The following EPG5 variants were observed in gnomAD, a reference collection of about 807,000 sequenced individuals.
The protein encoded by EPG5 is ectopic P granules protein 5 homolog.
Under a neutral mutation model 302.7 loss-of-function variants are expected in EPG5, and 159 were observed. The observed-to-expected ratio is 0.53, with a 90% CI of 0.46 to 0.60. EPG5 has a LOEUF of 0.60. EPG5 is among the 20% of genes least tolerant of loss of function. The probability of loss-of-function intolerance (pLI) is 0.00; values close to 1 mark genes in which losing one functional copy is unlikely to be tolerated. For missense variants in EPG5, 2,896 were observed against 3,092.4 expected, an observed-to-expected ratio of 0.94 and a Z score of 1.51; for synonymous variants, 1,158 against 1,136.8, an observed-to-expected ratio of 1.02 and a Z score of -0.37.
chr18:45,911,597 G>T (rs139353820), intron 22 of EPG5, among the ~76,000 whole-genome samples: 1 of 151,592 alleles, frequency 6.6e-6, no homozygotes, highest in African/African-American at 2.4e-5. Context: ...TGGCCGTGCT[G>T]GGCCAAGTTT....
chr18:45,829,608 G>A, the EPG5 span, among the ~76,000 whole-genome samples: 4 of 152,200 alleles, frequency 2.6e-5, no homozygotes, highest in South Asian at 2.1e-4. Context: ...TCACAATGCC[G>A]GAAGTGCCAC....
At chr18:45,837,531 G>A in the EPG5 span, 1 of 1,516,958 alleles carries the variant, frequency 6.6e-7, no homozygotes, top group Non-Finnish European at 8.8e-7. Context: ...GCGCAGCGCT[G>A]GTCCATGCAG....
At chr18:45,820,408 A>G in the EPG5 span, among the ~76,000 whole-genome samples, 2 of 152,110 alleles carry the variant, frequency 1.3e-5, no homozygotes, top group Non-Finnish European at 2.9e-5. Flanking sequence ...TGGCTTCCTA[A>G]CCACCCAAGC....
chr18:45,958,779 G>A (rs1488990190), intron 1 of EPG5, among the ~76,000 whole-genome samples: 1 of 152,162 alleles, frequency 6.6e-6, no homozygotes, highest in Non-Finnish European at 1.5e-5. Flanking sequence ...AAAAGCACAA[G>A]CAACAAAATA....
chr18:45,888,595 G>A (rs1282799004), intron 28 of EPG5, among the ~76,000 whole-genome samples: 1 of 152,026 alleles, frequency 6.6e-6, no homozygotes, highest in East Asian at 1.9e-4. Flanking sequence ...ATGAGCCACC[G>A]CACCTGGCCA....
chr18:45,871,045 C>G (rs1329681291), intron 35 of EPG5, among the ~76,000 whole-genome samples: 1 of 152,178 alleles, frequency 6.6e-6, no homozygotes, highest in Non-Finnish European at 1.5e-5. Flanking sequence ...GCTTGTTGCC[C>G]TCAGTATGTA....
chr18:45,855,051 T>G (rs1003995613), intron 43 of EPG5, among the ~76,000 whole-genome samples: 3 of 151,784 alleles, frequency 2.0e-5, no homozygotes, highest in Non-Finnish European at 4.4e-5. Context: ...GTTATAGGAA[T>G]GTGGCCTTCC....
the EPG5 span, among the ~76,000 whole-genome samples, chr18:45,833,979 G>A: frequency 6.6e-6 from 1 of 152,154 alleles, no homozygotes; most frequent in Non-Finnish European, 1.5e-5. Flanking sequence ...TTAATGAGAT[G>A]AGGACTCCGC....
Position 45,866,809 on chromosome 18 carries a change from G to A in EPG5, c.6610C>T (p.Gln2204Ter). ...ACCTCTCAACTTACAAGATGCTTCT[G>A]GCTGTCAGTAGGAATAGAAAGGCCC... ...SAGLSIPTDS[Q>*]KHLDAVPKCQ... is the part of the protein sequence containing the mutation. The change falls in exon 38 of 44, where the codon CAG becomes TAG. Residue 2204 changes from glutamine (Q) to a stop codon, truncating the protein, a stop_gained. Coordinates refer to ENST00000282041, the MANE Select transcript of EPG5 (RefSeq NM_020964.3). LOFTEE classifies it high-confidence loss of function. 3 of 1,612,750 alleles carry A rather than the reference G, an allele frequency of 1.9e-6. No homozygotes were observed. The highest frequency in any genetic ancestry group is 1.7e-6 in the Non-Finnish European group (2 of 1,178,740).
At chr18:45,939,886 T>A in intron 9 of EPG5, 131 bp from the exon 10 acceptor site, 1 of 798,618 alleles carries the variant, frequency 1.3e-6, no homozygotes, top group Non-Finnish European at 1.9e-6. Flanking sequence ...ATTGTCCAGG[T>A]TCTGAAACTA....
At chr18:45,880,811 G>A (rs891955119) in intron 31 of EPG5, among the ~76,000 whole-genome samples, 1 of 152,136 alleles carries the variant, frequency 6.6e-6, no homozygotes, top group Non-Finnish European at 1.5e-5. Flanking sequence ...TCCACCCAGA[G>A]CGAACATGAG....
chr18:45,875,576 G>A (rs1439709146), intron 35 of EPG5, among the ~76,000 whole-genome samples: 1 of 151,854 alleles, frequency 6.6e-6, no homozygotes, highest in African/African-American at 2.4e-5. Flanking sequence ...AGAAATGGAA[G>A]GAAGACCTCT....
chr18:45,813,354 G>A, the EPG5 span, among the ~76,000 whole-genome samples: 1 of 152,218 alleles, frequency 6.6e-6, no homozygotes, highest in Non-Finnish European at 1.5e-5. Context: ...GGAAGTCAGT[G>A]TGGCGATTTC....
intron 27 of EPG5, among the ~76,000 whole-genome samples, chr18:45,898,140 G>T (rs898591940): frequency 4.1e-4 from 63 of 152,258 alleles, no homozygotes; most frequent in African/African-American, 1.5e-3. Context: ...CAGGCAGATT[G>T]CTTGAGCCCA....
the EPG5 span, chr18:45,838,702 G>T: frequency 5.1e-6 from 8 of 1,557,024 alleles, no homozygotes; most frequent in East Asian, 1.9e-4. Flanking sequence ...ACAGTCACCC[G>T]CCTTCTCCCC....
intron 10 of EPG5, among the ~76,000 whole-genome samples, chr18:45,936,512 G>A (rs1217016811): frequency 6.6e-6 from 1 of 152,116 alleles, no homozygotes; most frequent in Non-Finnish European, 1.5e-5. Flanking sequence ...CAAATCACTT[G>A]AGGTCAGGAG....
rs1278771529 is a variant in EPG5, at chr18:45,917,771, G to A, written c.3147C>T (p.Val1049=). Residue 1049 remains valine, a synonymous_variant, in exon 17 of 44, where the codon GTC becomes GTT. Coordinates refer to ENST00000282041, the MANE Select transcript of EPG5 (RefSeq NM_020964.3). ...CCACTGTTCTCAAATGTCTTGACTG[G>A]ACCAGAATTCCCAATAGTGGGATGC... is the stretch of plus-strand genomic sequence containing the variant. ...AEGIPLLGIL[V]QSRHLRTVVH... The A allele has an allele frequency of 6.2e-7, 1 of 1,614,110 alleles. No individual in the cohort carries two copies. Among genetic ancestry groups the A allele is most frequent in the South Asian group, 1.1e-5 (1 of 91,078 alleles).
intron 42 of EPG5, among the ~76,000 whole-genome samples, chr18:45,856,094 T>C (rs9955015): frequency 0.016 from 2,426 of 152,308 alleles, 47 homozygotes; most frequent in African/African-American, 0.047. Flanking sequence ...AAAACTGGTA[T>C]ACAAATGCTC....
the EPG5 span, among the ~76,000 whole-genome samples, chr18:45,841,585 T>G: frequency 3.3e-5 from 5 of 150,200 alleles, no homozygotes; most frequent in African/African-American, 9.9e-5. Context: ...GGTGGGGAAG[T>G]GGGTAGACGG....
Sources: allele counts gnomAD v4.1 joint callset (sites outside exome capture counted in the v4.1 genomes callset), GRCh38; gene constraint gnomAD v4.1.1; transcripts MANE v1.5; gene names NCBI Gene and HGNC (gene_info 2026-07-23, HGNC 2026-07-21).